KCNG3: variants seen among roughly 807,000 people sequenced by gnomAD.
KCNG3 encodes the protein voltage-gated potassium channel regulatory subunit KCNG3.
KCNG3 carries 15 observed loss-of-function variants against 29.0 expected under a neutral mutation model. The ratio of observed to expected loss-of-function variants is 0.52; its 90% confidence interval spans 0.35 to 0.80. The LOEUF (loss-of-function observed/expected upper bound fraction) is 0.80, where lower values mean the gene tolerates loss of function less well. KCNG3 is among the 30% of genes least tolerant of loss of function. The pLI is 0.01. For missense variants in KCNG3, 512 were observed against 605.7 expected, an observed-to-expected ratio of 0.85 and a Z score of 1.62; for synonymous variants, 322 against 248.9, an observed-to-expected ratio of 1.29 and a Z score of -2.76.
chr2:42,389,464 T>C, the KCNG3 span, among the ~76,000 whole-genome samples: 2 of 152,334 alleles, frequency 1.3e-5, no homozygotes, highest in Non-Finnish European at 2.9e-5. Context: ...GGCACATACA[T>C]TTCTAAAGAT....
the KCNG3 span, among the ~76,000 whole-genome samples, chr2:42,403,340 G>A: frequency 3.3e-5 from 5 of 151,894 alleles, no homozygotes; most frequent in Non-Finnish European, 2.9e-5. Context: ...ACGAGATTTC[G>A]CCATGTTGTC....
At chr2:42,401,850 C>T in the KCNG3 span, among the ~76,000 whole-genome samples, 2 of 152,184 alleles carry the variant, frequency 1.3e-5, no homozygotes, top group Non-Finnish European at 2.9e-5. Context: ...CGCCACTGTA[C>T]TCCAGCCTGG....
At chr2:42,491,752 C>G (rs969067723) in intron 1 of KCNG3, among the ~76,000 whole-genome samples, 36 of 152,288 alleles carry the variant, frequency 2.4e-4, no homozygotes, top group African/African-American at 8.7e-4. Context: ...TTACTCCCTA[C>G]AGGAAGAATA....
intron 1 of KCNG3, among the ~76,000 whole-genome samples, chr2:42,471,362 T>C (rs1455900035): frequency 6.6e-6 from 1 of 152,090 alleles, no homozygotes; most frequent in Non-Finnish European, 1.5e-5. Context: ...CATGGATGAA[T>C]CTTGATAATA....
chr2:42,393,265 A>C, the KCNG3 span, among the ~76,000 whole-genome samples: 3 of 121,532 alleles, frequency 2.5e-5, no homozygotes, highest in Non-Finnish European at 5.8e-5. Flanking sequence ...TCTTACATTA[A>C]AAAAAAAAAA....
At chr2:42,491,655 T>C (rs1673879834) in intron 1 of KCNG3, among the ~76,000 whole-genome samples, 1 of 152,310 alleles carries the variant, frequency 6.6e-6, no homozygotes, top group East Asian at 1.9e-4. Context: ...TTTCAAAGCA[T>C]GTATCTTCGA....
At chr2:42,445,562 G>C (rs945560602) in intron 1 of KCNG3, among the ~76,000 whole-genome samples, 1 of 152,098 alleles carries the variant, frequency 6.6e-6, no homozygotes, top group African/African-American at 2.4e-5. Flanking sequence ...TGGCCGCTAG[G>C]ATTTTCCCAA....
chr2:42,477,380 CATATATAT>C (rs141470417), intron 1 of KCNG3, among the ~76,000 whole-genome samples: 1 of 113,264 alleles, frequency 8.8e-6, no homozygotes, highest in East Asian at 3.2e-4. Flanking sequence ...TATACACACA[CATATATAT>C]ACACACACAC....
intron 1 of KCNG3, among the ~76,000 whole-genome samples, chr2:42,478,634 C>G (rs1390306045): frequency 1.3e-5 from 2 of 152,122 alleles, no homozygotes; most frequent in Non-Finnish European, 1.5e-5. Flanking sequence ...ATGACATAAC[C>G]TCAGAAGCCC....
In KCNG3 at chr2:42,461,054, G is replaced by A. The variant is rs1033281104; in HGVS notation, c.666-16475C>T. On this transcript the variant is annotated intron_variant, in intron 1 of 1. Coordinates refer to ENST00000306078, the MANE Select transcript of KCNG3 (RefSeq NM_133329.6). Reference sequence around the variant, plus strand: ...CATGCGTCTGTAGTCCCAGCTACTCGGGAGGCTGAGGCAGGAGGATGGCGT... The same window carrying A: ...CATGCGTCTGTAGTCCCAGCTACTCAGGAGGCTGAGGCAGGAGGATGGCGT... Among the ~76,000 whole-genome samples, 50 of 151,582 alleles carry A rather than the reference G, an allele frequency of 3.3e-4. 1 individual carries two copies. The highest frequency in any genetic ancestry group is 1.1e-3 in the African/African-American group (47 of 41,260).
the KCNG3 span, among the ~76,000 whole-genome samples, chr2:42,409,668 C>T: frequency 1.5e-3 from 196 of 126,598 alleles, no homozygotes; most frequent in African/African-American, 5.8e-3. Context: ...TGTGCCACTG[C>T]ACTTCAGCCT....
At chr2:42,489,717 C>T (rs186295255) in intron 1 of KCNG3, among the ~76,000 whole-genome samples, 2 of 152,120 alleles carry the variant, frequency 1.3e-5, no homozygotes, top group African/African-American at 4.8e-5. Flanking sequence ...TTGAGTGGCT[C>T]AGGAAGAAGT....
At chr2:42,477,353 G>A (rs1673455006) in intron 1 of KCNG3, among the ~76,000 whole-genome samples, 1 of 146,934 alleles carries the variant, frequency 6.8e-6, no homozygotes, top group East Asian at 2.1e-4. Context: ...ATATATATGT[G>A]TGTGTATATA....
At chr2:42,448,790 C>A (rs866761838) in intron 1 of KCNG3, among the ~76,000 whole-genome samples, 4 of 152,056 alleles carry the variant, frequency 2.6e-5, no homozygotes, top group South Asian at 4.2e-4. Context: ...GAGATCGAGA[C>A]CACAGTGAAA....
intron 1 of KCNG3, among the ~76,000 whole-genome samples, chr2:42,461,110 G>C (rs547477869): frequency 7.1e-6 from 1 of 139,902 alleles, no homozygotes; most frequent in Non-Finnish European, 1.5e-5. Context: ...GCAGTGAGCC[G>C]AGATCACGCC....
the KCNG3 span, among the ~76,000 whole-genome samples, chr2:42,436,032 A>G: frequency 6.6e-6 from 1 of 152,266 alleles, no homozygotes; most frequent in African/African-American, 2.4e-5. Flanking sequence ...CTACCCATAC[A>G]AGGAAATATT....
chr2:42,450,974 GC>G (rs1172966468), intron 1 of KCNG3, among the ~76,000 whole-genome samples: 3 of 152,110 alleles, frequency 2.0e-5, no homozygotes, highest in Non-Finnish European at 4.4e-5. Flanking sequence ...GGAGGCCAAG[GC>G]AGGTGGATCA....
Position 42,493,771 on chromosome 2 carries a change from G to GAACGCGGCTGTGTC in KCNG3, c.-284_-271dup. 1 of 302,382 alleles carries GAACGCGGCTGTGTC rather than the reference G, an allele frequency of 3.3e-6. No homozygotes were observed. The highest frequency in any genetic ancestry group is 6.1e-6 in the Non-Finnish European group (1 of 164,544). The allele number at this position is 302,382 out of a possible 1,614,324, so 18.7% of individuals were successfully genotyped here. ...GCCAGCGCTGAGCCCCACCGGCTGGGAACGCGGCTGTGTCCGCGCCGCCGA... is the reference window on the plus strand; with the variant it reads ...GCCAGCGCTGAGCCCCACCGGCTGGGAACGCGGCTGTGTCAACGCGGCTGTGTCCGCGCCGCCGA... On this transcript the variant is annotated 5_prime_UTR_variant, in exon 1 of 2. Transcript: ENST00000306078.
At position 42,476,590 on chromosome 2, in the gene KCNG3, G is replaced by A. The variant is rs537646185; in HGVS notation, c.665+16247C>T. ...CAACCTCTACCTCCCGGGTTCAAGA[G>A]ATTCTCATGCCTAAGCCTCCCAAGT... On this transcript the variant is annotated intron_variant, in intron 1 of 1. Transcript: ENST00000306078. Among the ~76,000 whole-genome samples, 4 of 152,062 alleles carry A rather than the reference G, an allele frequency of 2.6e-5. No homozygotes were observed. In the South Asian group the frequency reaches 8.3e-4, roughly 32 times the overall value.
Sources: allele counts gnomAD v4.1 joint callset (sites outside exome capture counted in the v4.1 genomes callset), GRCh38; gene constraint gnomAD v4.1.1; transcripts MANE v1.5; gene names NCBI Gene and HGNC (gene_info 2026-07-23, HGNC 2026-07-21).